CNGA1: variants seen among roughly 807,000 people sequenced by gnomAD.
CNGA1 encodes cyclic nucleotide-gated channel alpha-1.
CNGA1 carries 53 observed loss-of-function variants against 69.7 expected under a neutral mutation model. That is an observed-to-expected ratio of 0.76 (90% CI 0.61 to 0.96). The LOEUF is 0.96. CNGA1 is among the 40% of genes least tolerant of loss of function. The pLI, the probability that CNGA1 is intolerant of heterozygous loss-of-function variation, is 0.00. For missense variants in CNGA1, 739 were observed against 811.2 expected, an observed-to-expected ratio of 0.91 and a Z score of 1.08; for synonymous variants, 249 against 283.5, an observed-to-expected ratio of 0.88 and a Z score of 1.22.
Position 47,951,343 on chromosome 4 carries a change from T to C in CNGA1, c.224+10A>G. 1 of 1,539,032 alleles carries C rather than the reference T, an allele frequency of 6.5e-7. No homozygotes were observed. On this transcript the variant is annotated intron_variant, in intron 5 of 10. Transcript: ENST00000514170. ...AAAACAAGCACCAAGGGATGGATCA[T>C]ACTGCTCACCTCTGTGATGGTCCTC...
At position 47,936,421 on chromosome 4, in the gene CNGA1, C is replaced by A. The variant is rs1738639777; in HGVS notation, c.2061G>T (p.Ter687TyrextTer7). The change falls in exon 11 of 11, where the codon TAG becomes TAT. Residue 687 changes from the stop codon to tyrosine (Y), a stop_lost. Transcript: ENST00000514170. The part of the protein sequence containing the change: ...GAESGPIDST[*>Y] ...CCTGTTAATGACCAGCTTTTCGGTT[C>A]TATGTAGAGTCGATGGGCCCACTTT... The A allele has an allele frequency of 6.2e-7, 1 of 1,613,946 alleles. No homozygotes were observed. Among genetic ancestry groups the A allele is most frequent in the Non-Finnish European group, 8.5e-7 (1 of 1,179,994 alleles).
chr4:47,980,411 A>T (rs1741635054), intron 3 of CNGA1, among the ~76,000 whole-genome samples: 1 of 151,480 alleles, frequency 6.6e-6, no homozygotes, highest in Non-Finnish European at 1.5e-5. Flanking sequence ...TGCAGTACGC[A>T]TTTTTTAATT....
At chr4:47,960,930 A>C (rs552959689) in intron 3 of CNGA1, among the ~76,000 whole-genome samples, 1 of 152,326 alleles carries the variant, frequency 6.6e-6, no homozygotes, top group Non-Finnish European at 1.5e-5. Context: ...AAAGGACAAA[A>C]GGGAACTTTC....
At position 48,016,566 on chromosome 4, in the gene CNGA1, G is replaced by A. The variant is rs1003705871; in HGVS notation, c.-306C>T. On this transcript the variant is annotated 5_prime_UTR_variant, in exon 1 of 11. Transcript: ENST00000514170. The stretch of plus-strand genomic sequence containing the variant: ...TCTAGTTCGCGGCTCCAGCAGTCGC[G>A]CCAAGGGGCAGCTGCTACTCCTGCC... The A allele has an allele frequency of 6.1e-6, 3 of 488,770 alleles. No homozygotes were observed. The highest frequency in any genetic ancestry group is 3.0e-5 in the South Asian group (1 of 32,816). The allele number at this position is 488,770 out of a possible 1,614,324, so 30.3% of individuals were successfully genotyped here. A position where few individuals can be genotyped will look rare whatever the true frequency, so the allele number is the denominator to read the frequency against.
chr4:47,975,748 A>T (rs1316014521), intron 3 of CNGA1, among the ~76,000 whole-genome samples: 3 of 152,126 alleles, frequency 2.0e-5, no homozygotes, highest in Non-Finnish European at 4.4e-5. Flanking sequence ...ATCCTGGGGC[A>T]TCACAAGATC....
Position 47,960,132 on chromosome 4 carries a change from A to G in CNGA1, c.-14-7429T>C, listed in dbSNP as rs73814629. Among the ~76,000 whole-genome samples the G allele has an allele frequency of 1.1e-3, 167 of 152,358 alleles. 1 individual carries two copies. Among genetic ancestry groups the G allele is most frequent in the African/African-American group, 3.9e-3 (161 of 41,590 alleles). On this transcript the variant is annotated intron_variant, in intron 3 of 10. Coordinates refer to ENST00000514170, the MANE Select transcript of CNGA1 (RefSeq NM_001379270.1). ...TCATCAACAAATCCTTCCTAAAAGAAGATATAAAAATAACTAATAAGCACA... is the reference window on the plus strand; with the variant it reads ...TCATCAACAAATCCTTCCTAAAAGAGGATATAAAAATAACTAATAAGCACA...
intron 2 of CNGA1, among the ~76,000 whole-genome samples, chr4:47,987,302 T>C (rs1285583788): frequency 6.6e-6 from 1 of 152,202 alleles, no homozygotes; most frequent in Admixed American, 6.5e-5. Flanking sequence ...CTCTTGATCC[T>C]AAGTTATTAA....
intron 3 of CNGA1, among the ~76,000 whole-genome samples, chr4:47,971,576 A>G (rs1309357772): frequency 6.6e-6 from 1 of 152,136 alleles, no homozygotes; most frequent in African/African-American, 2.4e-5. Context: ...GAAAAAAATA[A>G]AACTTTATAT....
At position 47,976,260 on chromosome 4, in the gene CNGA1, CATATATATAT is replaced by C. The variant is rs536418532; in HGVS notation, c.-15+5123_-15+5132del. Among the ~76,000 whole-genome samples, 51 of 22,844 alleles carry C rather than the reference CATATATATAT, an allele frequency of 2.2e-3. 1 individual carries two copies. Among genetic ancestry groups the C allele is most frequent in the African/African-American group, 0.021 (47 of 2,196 alleles). The allele number at this position is 22,844 out of a possible 152,430, so 15.0% of individuals were successfully genotyped here. On this transcript the variant is annotated intron_variant, in intron 3 of 10. Coordinates refer to ENST00000514170, the MANE Select transcript of CNGA1 (RefSeq NM_001379270.1). ...ATATATGTATATATATATACACATA[CATATATATAT>C]ACATATATATGTATATATATATATA...
At chr4:47,945,518 A>G (rs75883856) in intron 6 of CNGA1, among the ~76,000 whole-genome samples, 1 of 152,348 alleles carries the variant, frequency 6.6e-6, no homozygotes, top group East Asian at 1.9e-4. Flanking sequence ...GGATTGAAGC[A>G]TCATCGTGGC....
intron 2 of CNGA1, among the ~76,000 whole-genome samples, chr4:48,002,586 G>GTAAT (rs1714706499): frequency 6.7e-6 from 1 of 150,116 alleles, no homozygotes; most frequent in East Asian, 2.0e-4. Flanking sequence ...AGATGAAATA[G>GTAAT]GCGTCAAAGC....
chr4:47,955,185 T>C (rs1433352867), intron 3 of CNGA1, among the ~76,000 whole-genome samples: 196 of 136,324 alleles, frequency 1.4e-3, no homozygotes, highest in Middle Eastern at 3.6e-3. Context: ...TTTTTTTTTT[T>C]TTTTTTTTTT....
At chr4:47,975,193 AAAT>A (rs1741284887) in intron 3 of CNGA1, among the ~76,000 whole-genome samples, 1 of 152,230 alleles carries the variant, frequency 6.6e-6, no homozygotes, top group African/African-American at 2.4e-5. Context: ...CTATTAAAGA[AAAT>A]AATAATTATC....
intron 3 of CNGA1, among the ~76,000 whole-genome samples, chr4:47,976,623 C>T (rs1361046781): frequency 6.6e-6 from 1 of 151,938 alleles, no homozygotes; most frequent in Non-Finnish European, 1.5e-5. Context: ...TTTTTTCCTA[C>T]TTCTCTCGCA....
chr4:48,000,400 G>A (rs575601356), intron 2 of CNGA1, among the ~76,000 whole-genome samples: 13 of 149,422 alleles, frequency 8.7e-5, no homozygotes, highest in South Asian at 6.3e-4. Context: ...ACAGAGTTTC[G>A]CTCTTGTTGC....
At chr4:47,983,125 T>G (rs1009694734) in intron 2 of CNGA1, among the ~76,000 whole-genome samples, 7 of 152,146 alleles carry the variant, frequency 4.6e-5, no homozygotes, top group Non-Finnish European at 1.0e-4. Flanking sequence ...ATTCTTACTC[T>G]TCATTATGTA....
At chr4:47,971,510 G>A (rs1174850876) in intron 3 of CNGA1, among the ~76,000 whole-genome samples, 1 of 152,032 alleles carries the variant, frequency 6.6e-6, no homozygotes, top group East Asian at 1.9e-4. Context: ...TCTGCCACCA[G>A]GAATTAACAA....
At chr4:47,967,737 G>A (rs1342862502) in intron 3 of CNGA1, among the ~76,000 whole-genome samples, 1 of 152,180 alleles carries the variant, frequency 6.6e-6, no homozygotes, top group Non-Finnish European at 1.5e-5. Flanking sequence ...CCAGCACTTT[G>A]GGAGGCCGAG....
At chr4:47,999,290 C>T (rs1714550562) in intron 2 of CNGA1, among the ~76,000 whole-genome samples, 1 of 152,124 alleles carries the variant, frequency 6.6e-6, no homozygotes. Context: ...TTTCAGGCAC[C>T]CCCTGGGGGT....
Sources: allele counts gnomAD v4.1 joint callset (sites outside exome capture counted in the v4.1 genomes callset), GRCh38; gene constraint gnomAD v4.1.1; transcripts MANE v1.5; gene names NCBI Gene and HGNC (gene_info 2026-07-23, HGNC 2026-07-21).